The following LARGE1 variants were observed in gnomAD, a reference collection of about 807,000 sequenced individuals.
LARGE1 encodes the protein xylosyl- and glucuronyltransferase LARGE1.
LARGE1 carries 43 observed loss-of-function variants against 87.6 expected under a neutral mutation model. That is an observed-to-expected ratio of 0.49 (90% CI 0.38 to 0.63). The LOEUF (loss-of-function observed/expected upper bound fraction) is 0.63. Ranked by LOEUF, LARGE1 falls within the 30% of genes least tolerant of loss-of-function variation. The pLI, the probability that LARGE1 is intolerant of heterozygous loss-of-function variation, is 0.00. For missense variants in LARGE1, 802 were observed against 1,000.2 expected (o/e 0.80, Z 2.67); for synonymous variants, 434 against 394.6 (o/e 1.10, Z -1.18).
chr22:33,376,980 C>A (rs115555138), intron 9 of LARGE1, among the ~76,000 whole-genome samples: 1 of 152,284 alleles, frequency 6.6e-6, no homozygotes, highest in South Asian at 2.1e-4. Context: ...TTCTCTCCAA[C>A]GTGAAACAAG....
intron 12 of LARGE1, among the ~76,000 whole-genome samples, chr22:33,302,636 G>C (rs1415013116): frequency 6.6e-6 from 1 of 152,162 alleles, no homozygotes; most frequent in Non-Finnish European, 1.5e-5. Context: ...GGCAGTAAGA[G>C]AAAGATACTA....
intron 1 of LARGE1, among the ~76,000 whole-genome samples, chr22:33,818,721 T>A (rs1426535173): frequency 2.6e-5 from 4 of 152,142 alleles, no homozygotes; most frequent in African/African-American, 9.7e-5. Context: ...TACCGAACAA[T>A]GAAAACAAAG....
chr22:33,146,718 G>A, the LARGE1 span, among the ~76,000 whole-genome samples: 1 of 151,428 alleles, frequency 6.6e-6, no homozygotes, highest in African/African-American at 2.4e-5. Flanking sequence ...CTAGACTTTG[G>A]GGAAAAAAAA....
intron 11 of LARGE1, among the ~76,000 whole-genome samples, chr22:33,193,840 C>A (rs1157950240): frequency 6.8e-6 from 1 of 147,434 alleles, no homozygotes; most frequent in Admixed American, 6.8e-5. Context: ...TATATGTGTT[C>A]ATATGTTTTA....
chr22:33,699,672 C>T (rs1301538302), intron 2 of LARGE1, among the ~76,000 whole-genome samples: 11 of 152,042 alleles, frequency 7.2e-5, no homozygotes, highest in African/African-American at 2.2e-4. Flanking sequence ...TATGTGTAGG[C>T]ATAGCAATAA....
intron 2 of LARGE1, among the ~76,000 whole-genome samples, chr22:33,702,054 G>C (rs959623582): frequency 6.6e-6 from 1 of 152,170 alleles, no homozygotes; most frequent in African/African-American, 2.4e-5. Flanking sequence ...CGGCTCCACT[G>C]CCATCTCCTC....
At position 33,761,493 on chromosome 22, in the gene LARGE1, A is replaced by G. The variant is rs1205020583; in HGVS notation, c.-17T>C. ...TCCCAGCATCCTCTCAGAAGTGGCA[A>G]TCCCTAATCCCAGCGCCGTTTCTCT... is the stretch of plus-strand genomic sequence containing the variant. On this transcript the variant is annotated 5_prime_UTR_variant, in exon 2 of 15. Coordinates refer to ENST00000397394, the MANE Select transcript of LARGE1 (RefSeq NM_133642.5). The G allele has an allele frequency of 6.3e-7, 1 of 1,590,552 alleles. No individual in the cohort carries two copies. The highest frequency in any genetic ancestry group is 2.2e-5 in the East Asian group (1 of 44,684).
intron 12 of LARGE1, among the ~76,000 whole-genome samples, chr22:33,286,605 ATC>A (rs2145930468): frequency 6.6e-6 from 1 of 152,306 alleles, no homozygotes; most frequent in African/African-American, 2.4e-5. Context: ...CTAAGGACAA[ATC>A]TCTCTAAACT....
rs149442889 is a variant in LARGE1 at position 33,320,138 on chromosome 22, C to T, written c.1288-3890G>A. On this transcript the variant is annotated intron_variant, in intron 10 of 14. Coordinates refer to ENST00000397394, the MANE Select transcript of LARGE1 (RefSeq NM_133642.5). ...CTATGACCCCACTGCTTCCTTCTGACCTGTATGATTAAATCCAGATTTCCT... is the reference window on the plus strand; with the variant it reads ...CTATGACCCCACTGCTTCCTTCTGATCTGTATGATTAAATCCAGATTTCCT... 2.0e-5 allele frequency among the ~76,000 whole-genome samples: 3 copies of T among 152,186 alleles called. 1 individual carries two copies. Among genetic ancestry groups the T allele is most frequent in the East Asian group, 1.9e-4 (1 of 5,192 alleles).
At chr22:33,167,325 G>A (rs1266524894) in intron 11 of LARGE1, among the ~76,000 whole-genome samples, 1 of 152,140 alleles carries the variant, frequency 6.6e-6, no homozygotes, top group Non-Finnish European at 1.5e-5. Flanking sequence ...GTACAGCTAG[G>A]AAAGCACATA....
At chr22:33,379,436 C>T (rs542740212) in intron 9 of LARGE1, among the ~76,000 whole-genome samples, 21 of 152,094 alleles carry the variant, frequency 1.4e-4, no homozygotes, top group East Asian at 5.8e-4. Flanking sequence ...TGACAGGCCC[C>T]GGTGTGTGAT....
chr22:33,882,380 A>G (rs771711733), intron 1 of LARGE1, among the ~76,000 whole-genome samples: 7 of 152,162 alleles, frequency 4.6e-5, no homozygotes, highest in Non-Finnish European at 8.8e-5. Context: ...CCTGGGGCAA[A>G]TGAAATGCCT....
chr22:33,599,021 G>A (rs535438337), intron 5 of LARGE1, among the ~76,000 whole-genome samples: 2 of 152,288 alleles, frequency 1.3e-5, no homozygotes, highest in African/African-American at 4.8e-5. Flanking sequence ...GGGATCCAAA[G>A]CCATGGAAAA....
At chr22:33,802,474 CTT>C (rs1267067690) in intron 1 of LARGE1, among the ~76,000 whole-genome samples, 1 of 152,200 alleles carries the variant, frequency 6.6e-6, no homozygotes, top group Non-Finnish European at 1.5e-5. Context: ...TCTGAGTAAT[CTT>C]AAAGCCAAAT....
At chr22:33,216,973 C>A (rs1284120369) in intron 11 of LARGE1, among the ~76,000 whole-genome samples, 1 of 152,170 alleles carries the variant, frequency 6.6e-6, no homozygotes, top group African/African-American at 2.4e-5. Context: ...CAACAATAAG[C>A]ATTTCACCCT....
intron 11 of LARGE1, among the ~76,000 whole-genome samples, chr22:33,251,298 C>T (rs1366652675): frequency 6.6e-6 from 1 of 152,184 alleles, no homozygotes; most frequent in Non-Finnish European, 1.5e-5. Flanking sequence ...CTCCTGATGG[C>T]TCTTTCTCTG....
chr22:33,402,394 T>C (rs2065954340), intron 7 of LARGE1, among the ~76,000 whole-genome samples: 1 of 152,174 alleles, frequency 6.6e-6, no homozygotes, highest in Non-Finnish European at 1.5e-5. Flanking sequence ...AAAAGCCTCT[T>C]GATGCTAGAT....
chr22:33,222,520 C>A (rs1359295179), intron 11 of LARGE1, among the ~76,000 whole-genome samples: 1 of 152,126 alleles, frequency 6.6e-6, no homozygotes, highest in Non-Finnish European at 1.5e-5. Flanking sequence ...TTAAGGACCT[C>A]GAGATGACAT....
intron 2 of LARGE1, among the ~76,000 whole-genome samples, chr22:33,666,700 T>A (rs112574527): frequency 5.3e-5 from 8 of 152,312 alleles, no homozygotes; most frequent in African/African-American, 1.9e-4. Context: ...ATTCAGAGGC[T>A]GGTCTGAGGC....
Sources: allele counts gnomAD v4.1 joint callset (sites outside exome capture counted in the v4.1 genomes callset), GRCh38; gene constraint gnomAD v4.1.1; transcripts MANE v1.5; gene names NCBI Gene and HGNC (gene_info 2026-07-23, HGNC 2026-07-21).